Variants in TACC3 observed in about 807,000 individuals in gnomAD.
The protein encoded by TACC3 is transforming acidic coiled-coil containing protein 3.
In TACC3, 52 loss-of-function variants were observed where a neutral mutation model predicts 86.0. That is an observed-to-expected ratio of 0.60 (90% CI 0.48 to 0.76). The LOEUF is 0.76. TACC3 is among the 30% of genes least tolerant of loss of function. The pLI is 0.00. For missense variants in TACC3, 1,120 were observed against 1,070.4 expected (o/e 1.05, Z -0.65); for synonymous variants, 512 against 430.0 (o/e 1.19, Z -2.36).
intron 8 of TACC3, among the ~76,000 whole-genome samples, chr4:1,736,982 T>A (rs1353079092): frequency 6.6e-6 from 1 of 151,606 alleles, no homozygotes; most frequent in Non-Finnish European, 1.5e-5. Flanking sequence ...CCGCTCAGCC[T>A]GCAGTGGGTA....
intron 6 of TACC3, among the ~76,000 whole-genome samples, chr4:1,733,510 A>G (rs1266141799): frequency 5.1e-5 from 3 of 59,062 alleles, no homozygotes; most frequent in African/African-American, 1.5e-4. Flanking sequence ...CTTTTTTTTT[A>G]TTACCTGGCA....
chr4:1,737,342 TC>T lies in TACC3; in HGVS notation c.1836+17del. 1.2e-6 allele frequency: 2 copies of T among 1,611,504 alleles called. No individual in the cohort carries two copies. The highest frequency in any genetic ancestry group is 1.7e-6 in the Non-Finnish European group (2 of 1,177,748). The stretch of plus-strand genomic sequence containing the variant: ...CTGGACATTCCTGTAAGTCCTTGAG[TC>T]CCTCTTGAACTGTCTTGTGTGTGGT... On this transcript the variant is annotated intron_variant, in intron 9 of 15. Transcript: ENST00000313288.
intron 13 of TACC3, 176 bp downstream of exon 13, chr4:1,741,162 G>A: frequency 1.8e-6 from 1 of 565,526 alleles, no homozygotes; most frequent in Non-Finnish European, 3.0e-6. Flanking sequence ...AGCATAGCTG[G>A]TTTGCGAGGC....
intron 12 of TACC3, 43 bp from the exon 13 acceptor site, chr4:1,740,783 C>T (rs748474806): frequency 1.1e-5 from 17 of 1,568,492 alleles, no homozygotes; most frequent in South Asian, 4.8e-5. Context: ...CCCATCGTTT[C>T]GGTTGCCTCC....
At chr4:1,739,308 CAA>C (rs33985489) in intron 10 of TACC3, 59,891 of 162,262 alleles carry the variant, frequency 0.37, 10,761 homozygotes, top group Non-Finnish European at 0.44. Flanking sequence ...ACTCTTGTCT[CAA>C]AAAAAAAAAA....
chr4:1,733,563 A>G (rs1718107034), intron 6 of TACC3, among the ~76,000 whole-genome samples: 2 of 151,978 alleles, frequency 1.3e-5, no homozygotes, highest in South Asian at 2.1e-4. Context: ...GGAAGCTGAG[A>G]TGGGAGGCTC....
chr4:1,735,692 A>G lies in TACC3; in HGVS notation c.1645-39A>G. 6.6e-7 allele frequency: 1 copy of G among 1,519,672 alleles called. No homozygotes were observed. The highest frequency in any genetic ancestry group is 9.1e-7 in the Non-Finnish European group (1 of 1,097,618). The allele number at this position is 1,519,672 out of a possible 1,614,324, so 94.1% of individuals were successfully genotyped here. On this transcript the variant is annotated intron_variant, in intron 7 of 15. Transcript: ENST00000313288. The surrounding 1 kb of genome is among the most constrained non-coding windows in gnomAD (Gnocchi z 4.2). ...CCTTAGCCCCCGTGTGTGTTAGGGG[A>G]TGGCAGTCAGACCTGATCACTTGCC...
chr4:1,723,793 C>A lies in TACC3; in HGVS notation c.228C>A (p.Ser76Arg), dbSNP rs922607462. 1 of 1,613,836 alleles carries A rather than the reference C, an allele frequency of 6.2e-7. No individual in the cohort carries two copies. The highest frequency in any genetic ancestry group is 8.5e-7 in the Non-Finnish European group (1 of 1,180,002). Residue 76 changes from serine to arginine, a missense_variant, in exon 3 of 16, where the codon AGC becomes AGA. By Grantham distance (110) the Ser-to-Arg change is moderately radical. Transcript: ENST00000313288. ...THRILSPSMA[S>R]KLEAPFTQDD... ...GGATTCTAAGTCCTAGCATGGCCAG[C>A]AAACTTGAGGCTCCTTTCACTCAGG...
rs1718496901 is a variant in TACC3, at chr4:1,739,950, C to T, written c.2019-9C>T. 1.2e-6 allele frequency: 2 copies of T among 1,613,044 alleles called. No individual in the cohort carries two copies. ...AGGCAATGGCTGTGTGTCTGTTCTC[C>T]TCCCACAGGAAGATCATGGACAGGT... On this transcript the variant is annotated splice_polypyrimidine_tract_variant and intron_variant, in intron 11 of 15. Transcript: ENST00000313288.
rs560532692 is a variant in TACC3, at chr4:1,744,840, C to T, written c.2451+8C>T. ...AAGACAGTGGAGCAGAAGGTGGGTGCGGGAAGCCCAGCTCAAGGGGCCGTC... is the reference window on the plus strand; with the variant it reads ...AAGACAGTGGAGCAGAAGGTGGGTGTGGGAAGCCCAGCTCAAGGGGCCGTC... On this transcript the variant is annotated splice_region_variant and intron_variant, in intron 15 of 15. Coordinates refer to ENST00000313288, the MANE Select transcript of TACC3 (RefSeq NM_006342.3). 1.3e-4 allele frequency: 212 copies of T among 1,612,868 alleles called. 2 individuals are homozygous for T. In the South Asian group the frequency reaches 2.2e-3, roughly 16 times the overall value.
rs1309137473 is a variant in TACC3, at chr4:1,744,525, A to G, written c.2231A>G (p.Glu744Gly). 3 of 1,612,732 alleles carry G rather than the reference A, an allele frequency of 1.9e-6. No individual in the cohort carries two copies. The highest frequency in any genetic ancestry group is 2.7e-5 in the African/African-American group (2 of 74,932). Residue 744 changes from glutamate (E) to glycine (G), a missense_variant, in exon 14 of 16, where the codon GAG becomes GGG. By Grantham distance (98) the Glu-to-Gly change is moderately conservative. Coordinates refer to ENST00000313288, the MANE Select transcript of TACC3 (RefSeq NM_006342.3). ...EVIEGYRKNE[E>G]SLKKCVEDYL... ...ATGCCTGCCCCTTCCTAGAACGAAGAGTCACTGAAGAAGTGCGTGGAGGAT... is the reference window on the plus strand; with the variant it reads ...ATGCCTGCCCCTTCCTAGAACGAAGGGTCACTGAAGAAGTGCGTGGAGGAT...
chr4:1,723,174 T>A, intron 1 of TACC3: 1 of 537,350 alleles, frequency 1.9e-6, no homozygotes, highest in East Asian at 3.2e-5. Context: ...TAGCTCTTGG[T>A]CCCAGGAAGC....
chr4:1,740,686 C>A (rs1402540912), intron 12 of TACC3, 140 bp from the exon 13 acceptor site: 2 of 706,216 alleles, frequency 2.8e-6, no homozygotes, highest in Admixed American at 2.4e-5. Context: ...GTGGAGGGAC[C>A]CATCACCCTC....
At chr4:1,721,946 C>T (rs556777683) in intron 1 of TACC3, 1 of 152,460 alleles carries the variant, frequency 6.6e-6, no homozygotes, top group African/African-American at 2.4e-5. Flanking sequence ...CCTCTCCTGT[C>T]TCTCGGTCGC....
Position 1,735,639 on chromosome 4 carries a change from G to A in TACC3, c.1645-92G>A, listed in dbSNP as rs1415073838. On this transcript the variant is annotated intron_variant, in intron 7 of 15. Coordinates refer to ENST00000313288, the MANE Select transcript of TACC3 (RefSeq NM_006342.3). The surrounding 1 kb of genome is among the most constrained non-coding windows in gnomAD (Gnocchi z 4.2). ...GGTGGGAGTGTGCGGGTGACCGGGG[G>A]TGGGAGTGTGCAGGTGACCTCCCTG... 1.5e-5 allele frequency: 15 copies of A among 1,004,338 alleles called. No homozygotes were observed. The East Asian group carries it at 3.4e-4, about 22-fold the overall frequency. 62.2% of individuals were successfully genotyped at this position (1,004,338 alleles called of 1,614,324 possible).
At chr4:1,740,670 T>C in intron 12 of TACC3, 156 bp from the exon 13 acceptor site, 1 of 653,654 alleles carries the variant, frequency 1.5e-6, no homozygotes, top group Non-Finnish European at 2.7e-6. Context: ...GCCTAGAAGA[T>C]CCTGGGTGGA....
At position 1,740,045 on chromosome 4, in the gene TACC3, C is replaced by CT. The variant is rs765431169; in HGVS notation, c.2062+44dup. The CT allele has an allele frequency of 2.5e-6, 4 of 1,605,100 alleles. No homozygotes were observed. The Admixed American group carries it at 6.7e-5, about 27-fold the overall frequency. On this transcript the variant is annotated intron_variant, in intron 12 of 15. Coordinates refer to ENST00000313288, the MANE Select transcript of TACC3 (RefSeq NM_006342.3). ...CGAGGCCACGTGCCTCCACGAGGGG[C>CT]TGCCTATGCCCCACCCTGGCCCTGC...
rs548788065 is a variant in TACC3, at chr4:1,739,543, G to A, written c.1942-159G>A. 102 of 678,184 alleles carry A rather than the reference G, an allele frequency of 1.5e-4. No individual in the cohort carries two copies. The African/African-American group carries it at 1.6e-3, about 11-fold the overall frequency. 42.0% of individuals were successfully genotyped at this position (678,184 alleles called of 1,614,324 possible). On this transcript the variant is annotated intron_variant, in intron 10 of 15. Transcript: ENST00000313288. ...ACGTGGAGCAGGTGGCCTTGGCCTC[G>A]ACAGGGTTCCCAGGGTCCCACTGGA...
chr4:1,736,519 C>T lies in TACC3; in HGVS notation c.1748+685C>T, dbSNP rs561247888. On this transcript the variant is annotated intron_variant, in intron 8 of 15. Transcript: ENST00000313288. ...ACTGCCTGTTTGTGTAAAGTTTTAT[C>T]GTCACAGAGCCATGCCCGTTCCTTT... Among the ~76,000 whole-genome samples, 14 of 150,974 alleles carry T rather than the reference C, an allele frequency of 9.3e-5. 1 individual carries two copies. Among genetic ancestry groups the T allele is most frequent in the African/African-American group, 3.2e-4 (13 of 41,160 alleles).
Sources: allele counts gnomAD v4.1 joint callset (sites outside exome capture counted in the v4.1 genomes callset), GRCh38; gene constraint gnomAD v4.1.1; non-coding constraint Gnocchi (gnomAD v3.1); transcripts MANE v1.5; gene names NCBI Gene and HGNC (gene_info 2026-07-23, HGNC 2026-07-21).